The following UGT1A6 variants were observed in gnomAD, a reference collection of about 807,000 sequenced individuals.
UGT1A6 encodes the protein UDP glucuronosyltransferase family 1 member A6.
A neutral mutation model predicts 44.4 loss-of-function variants in UGT1A6; 32 were observed. The observed-to-expected ratio is 0.72, with a 90% CI of 0.54 to 0.97. UGT1A6 has a LOEUF of 0.97. Among genes scored for constraint, UGT1A6 ranks in the 50% least tolerant of loss-of-function variants. UGT1A6 has a pLI of 0.00. For missense variants in UGT1A6, 685 were observed against 661.9 expected, an observed-to-expected ratio of 1.03 and a Z score of -0.38; for synonymous variants, 238 against 248.5, an observed-to-expected ratio of 0.96 and a Z score of 0.40.
intron 1 of UGT1A6, among the ~76,000 whole-genome samples, chr2:233,717,113 A>T (rs1374660753): frequency 6.6e-6 from 1 of 152,068 alleles, no homozygotes; most frequent in Admixed American, 6.6e-5. Flanking sequence ...ATAAAACACC[A>T]CTACATGGAA....
intron 1 of UGT1A6, among the ~76,000 whole-genome samples, chr2:233,749,743 T>C (rs1694265349): frequency 1.3e-5 from 2 of 151,904 alleles, no homozygotes; most frequent in Non-Finnish European, 2.9e-5. Context: ...GGTCTCATCA[T>C]AGTGAGTGAG....
At chr2:233,753,198 T>C (rs1454956854) in intron 1 of UGT1A6, 2 of 152,228 alleles carry the variant, frequency 1.3e-5, no homozygotes. Flanking sequence ...TCAAAAGCCC[T>C]GACAGTCTGT....
At chr2:233,734,262 T>A (rs1260850291) in intron 1 of UGT1A6, among the ~76,000 whole-genome samples, 1 of 152,214 alleles carries the variant, frequency 6.6e-6, no homozygotes, top group Admixed American at 6.5e-5. Flanking sequence ...GGAGGGTGTA[T>A]GTGTCCAGGA....
intron 1 of UGT1A6, among the ~76,000 whole-genome samples, chr2:233,738,740 C>T (rs1235036519): frequency 1.3e-5 from 2 of 152,136 alleles, no homozygotes; most frequent in Non-Finnish European, 2.9e-5. Context: ...GCAGCCTGAC[C>T]ATGTGGTAGA....
At chr2:233,695,391 TG>T (rs377616491) in intron 1 of UGT1A6, among the ~76,000 whole-genome samples, 3 of 151,868 alleles carry the variant, frequency 2.0e-5, no homozygotes, top group African/African-American at 7.2e-5. Flanking sequence ...CCCAAAGTGC[TG>T]GGATTACAGG....
intron 1 of UGT1A6, among the ~76,000 whole-genome samples, chr2:233,709,996 T>C (rs1275771651): frequency 1.3e-5 from 2 of 152,236 alleles, no homozygotes; most frequent in Non-Finnish European, 2.9e-5. Context: ...AATGGAATCA[T>C]ACAATTATGA....
intron 1 of UGT1A6, 61 bp from the exon 2 acceptor site, chr2:233,766,972 CT>C: frequency 6.2e-7 from 1 of 1,611,258 alleles, no homozygotes; most frequent in Non-Finnish European, 8.5e-7. Context: ...TCATAACTTA[CT>C]GTATGTAGTC....
intron 1 of UGT1A6, among the ~76,000 whole-genome samples, chr2:233,727,137 A>T (rs1221662096): frequency 6.6e-6 from 1 of 152,174 alleles, no homozygotes; most frequent in Non-Finnish European, 1.5e-5. Context: ...GGGGAACAAG[A>T]CCACACAGGT....
intron 1 of UGT1A6, among the ~76,000 whole-genome samples, chr2:233,702,811 A>G (rs1473655443): frequency 6.6e-6 from 1 of 152,162 alleles, no homozygotes; most frequent in Non-Finnish European, 1.5e-5. Context: ...GAATAATCCC[A>G]CTTGATTGTG....
chr2:233,766,201 G>C (rs544565545), intron 1 of UGT1A6, among the ~76,000 whole-genome samples: 1 of 152,254 alleles, frequency 6.6e-6, no homozygotes, highest in East Asian at 1.9e-4. Flanking sequence ...CTCAGCAGAT[G>C]GGGGAAGCCA....
chr2:233,732,755 G>GA (rs1553614027), intron 1 of UGT1A6, among the ~76,000 whole-genome samples: 1 of 120,226 alleles, frequency 8.3e-6, no homozygotes, highest in Non-Finnish European at 1.8e-5. Flanking sequence ...CACCAGCTTT[G>GA]TTTTTTTTTT....
chr2:233,712,843 G>A (rs556220136), intron 1 of UGT1A6: 13 of 1,515,268 alleles, frequency 8.6e-6, no homozygotes, highest in African/African-American at 1.4e-5. Flanking sequence ...ATAGATTAAC[G>A]GGTAATAAGT....
intron 1 of UGT1A6, chr2:233,760,313 G>A (rs761736540): frequency 1.9e-6 from 3 of 1,613,818 alleles, no homozygotes; most frequent in Non-Finnish European, 2.5e-6. Flanking sequence ...CAGGGCGGAC[G>A]CCCACTTGTC....
intron 1 of UGT1A6, among the ~76,000 whole-genome samples, chr2:233,730,853 A>G (rs560522362): frequency 1.1e-4 from 17 of 152,196 alleles, no homozygotes; most frequent in Non-Finnish European, 2.1e-4. Context: ...ACATCACCAA[A>G]CCCACCCTAC....
chr2:233,747,509 G>A (rs1693700205), intron 1 of UGT1A6: 24 of 1,607,862 alleles, frequency 1.5e-5, no homozygotes, highest in Non-Finnish European at 1.9e-5. Flanking sequence ...ACACTCAACT[G>A]TACTTTGAAA....
chr2:233,726,165 C>CA (rs1281871437), intron 1 of UGT1A6, among the ~76,000 whole-genome samples: 1 of 151,994 alleles, frequency 6.6e-6, no homozygotes, highest in Non-Finnish European at 1.5e-5. Context: ...GGCCCCATTT[C>CA]AAAAAAATAA....
At chr2:233,749,911 T>C (rs1694301835) in intron 1 of UGT1A6, among the ~76,000 whole-genome samples, 2 of 151,950 alleles carry the variant, frequency 1.3e-5, no homozygotes, top group Non-Finnish European at 2.9e-5. Flanking sequence ...CACCTGGAAC[T>C]GTGAGTCAAT....
intron 1 of UGT1A6, among the ~76,000 whole-genome samples, chr2:233,724,278 G>C (rs1355966734): frequency 3.9e-5 from 5 of 129,306 alleles, no homozygotes; most frequent in East Asian, 2.5e-4. Flanking sequence ...GCGGCTGGCC[G>C]GGCGGGGGGC....
At chr2:233,715,168 G>A (rs926967380) in intron 1 of UGT1A6, among the ~76,000 whole-genome samples, 5 of 152,054 alleles carry the variant, frequency 3.3e-5, no homozygotes, top group Non-Finnish European at 7.4e-5. Flanking sequence ...TTACAGGCGC[G>A]AGCCACCACA....
Sources: gnomAD v4.1 joint callset for allele counts (sites outside exome capture counted in the v4.1 genomes callset) on GRCh38, gnomAD v4.1.1 for gene constraint, MANE v1.5 for transcripts, NCBI Gene and HGNC (gene_info 2026-07-23, HGNC 2026-07-21) for gene names.